GNG7: variants seen among roughly 807,000 people sequenced by gnomAD.
The protein encoded by GNG7 is guanine nucleotide-binding protein G(I)/G(S)/G(O) subunit gamma-7.
A neutral mutation model predicts 4.0 loss-of-function variants in GNG7; 1 was observed. The ratio of observed to expected loss-of-function variants is 0.25; its 90% CI spans 0.09 to 1.18. The LOEUF (loss-of-function observed/expected upper bound fraction) is 1.18, where lower values mean the gene tolerates loss of function less well. Among genes scored for constraint, GNG7 ranks in the 50% most tolerant of loss-of-function variants. The pLI is 0.50. For synonymous variants in GNG7, 34 were observed against 36.9 expected (o/e 0.92, Z 0.29); for missense variants, 86 against 91.9 (o/e 0.94, Z 0.26).
intron 3 of GNG7, among the ~76,000 whole-genome samples, chr19:2,522,152 C>T (rs776462316): frequency 7.2e-5 from 11 of 151,912 alleles, no homozygotes; most frequent in Non-Finnish European, 1.3e-4. Context: ...GTGGAGGCCA[C>T]GGATGCTGCT....
chr19:2,594,120 C>T (rs1980936026), intron 2 of GNG7, among the ~76,000 whole-genome samples: 6 of 152,114 alleles, frequency 3.9e-5, no homozygotes, highest in Admixed American at 3.9e-4. Flanking sequence ...CCTGTAATCC[C>T]AGCGCTTTGG....
chr19:2,528,678 G>A (rs551124645), intron 3 of GNG7, among the ~76,000 whole-genome samples: 1 of 152,176 alleles, frequency 6.6e-6, no homozygotes, highest in South Asian at 2.1e-4. Context: ...GAGGGAACTC[G>A]GGAAGGTGGT....
chr19:2,601,812 C>T (rs370527081), intron 2 of GNG7, among the ~76,000 whole-genome samples: 12 of 151,636 alleles, frequency 7.9e-5, no homozygotes, highest in African/African-American at 2.2e-4. Flanking sequence ...GAGGTTGAAG[C>T]GGGAGGCTCA....
At chr19:2,519,446 G>A (rs1311247072) in intron 4 of GNG7, among the ~76,000 whole-genome samples, 11 of 151,776 alleles carry the variant, frequency 7.2e-5, no homozygotes, top group African/African-American at 1.2e-4. Flanking sequence ...GTGAGTCACC[G>A]CGCTCAGCCT....
At chr19:2,518,610 G>A (rs552798730) in intron 4 of GNG7, among the ~76,000 whole-genome samples, 3 of 152,122 alleles carry the variant, frequency 2.0e-5, no homozygotes, top group African/African-American at 4.8e-5. Flanking sequence ...GACTCTGTCC[G>A]CCTCCCCGCT....
chr19:2,689,213 A>G (rs887155156), intron 1 of GNG7, among the ~76,000 whole-genome samples: 6 of 148,688 alleles, frequency 4.0e-5, no homozygotes, highest in East Asian at 3.9e-4. Flanking sequence ...AAAAAGGGGG[A>G]AAAAAATGCC....
At chr19:2,607,944 C>A (rs1481531058) in intron 2 of GNG7, among the ~76,000 whole-genome samples, 1 of 151,440 alleles carries the variant, frequency 6.6e-6, no homozygotes, top group Non-Finnish European at 1.5e-5. Context: ...TCCCTCCTGG[C>A]AGGCAGCCAG....
At chr19:2,671,956 C>G (rs1303854143) in intron 1 of GNG7, among the ~76,000 whole-genome samples, 2 of 138,284 alleles carry the variant, frequency 1.4e-5, no homozygotes, top group African/African-American at 5.4e-5. Context: ...GAGGCTGAGG[C>G]AGGAGAATGG....
intron 3 of GNG7, among the ~76,000 whole-genome samples, chr19:2,554,347 G>C (rs944298942): frequency 4.8e-5 from 7 of 147,032 alleles, no homozygotes; most frequent in Admixed American, 1.4e-4. Context: ...CCACCACACT[G>C]GGTATATTTT....
intron 1 of GNG7, among the ~76,000 whole-genome samples, chr19:2,669,380 C>A (rs901450500): frequency 6.6e-6 from 1 of 152,140 alleles, no homozygotes; most frequent in African/African-American, 2.4e-5. Flanking sequence ...ATCCCAGCTA[C>A]TTGGGAGACT....
chr19:2,566,478 C>T (rs62123667), intron 2 of GNG7, among the ~76,000 whole-genome samples: 60,823 of 152,002 alleles, frequency 0.4, 12,472 homozygotes, highest in Admixed American at 0.53. Context: ...CTTGTACGAG[C>T]ACCCCATGAA....
chr19:2,518,598 A>ACGACT (rs1978293603), intron 4 of GNG7, among the ~76,000 whole-genome samples: 1 of 152,024 alleles, frequency 6.6e-6, no homozygotes, highest in South Asian at 2.1e-4. Context: ...GCCAGCAGGG[A>ACGACT]CGACTCTGTC....
intron 2 of GNG7, among the ~76,000 whole-genome samples, chr19:2,601,869 T>C (rs1387773699): frequency 6.6e-6 from 1 of 152,082 alleles, no homozygotes; most frequent in African/African-American, 2.4e-5. Context: ...ATCACTGCAC[T>C]TCAGCCTGGG....
chr19:2,606,527 C>T (rs1215128269), intron 2 of GNG7, among the ~76,000 whole-genome samples: 3 of 151,832 alleles, frequency 2.0e-5, no homozygotes, highest in South Asian at 2.1e-4. Flanking sequence ...TGGTGGTGCA[C>T]GCCTGTAATC....
intron 3 of GNG7, among the ~76,000 whole-genome samples, chr19:2,553,125 CAAAA>C (rs36098274): frequency 8.9e-6 from 1 of 112,400 alleles, no homozygotes. Flanking sequence ...AAAGCAAAAC[CAAAA>C]AAAAAAAAAA....
chr19:2,670,377 G>C (rs554364532), intron 1 of GNG7, among the ~76,000 whole-genome samples: 1 of 152,184 alleles, frequency 6.6e-6, no homozygotes, highest in Non-Finnish European at 1.5e-5. Flanking sequence ...CTGTCACCTC[G>C]ACCCCGCTGT....
chr19:2,566,082 T>G (rs1330390582), intron 2 of GNG7, among the ~76,000 whole-genome samples: 2 of 151,864 alleles, frequency 1.3e-5, no homozygotes, highest in Middle Eastern at 3.4e-3. Flanking sequence ...CGCTTGAACC[T>G]GGGAGGCGGA....
At chr19:2,533,672 G>C (rs549945848) in intron 3 of GNG7, among the ~76,000 whole-genome samples, 35 of 152,222 alleles carry the variant, frequency 2.3e-4, no homozygotes, top group Admixed American at 1.0e-3. Flanking sequence ...CAAGAATTAG[G>C]GGGAAATAAG....
intron 1 of GNG7, among the ~76,000 whole-genome samples, chr19:2,647,190 C>T (rs1982688046): frequency 6.6e-6 from 1 of 152,216 alleles, no homozygotes; most frequent in African/African-American, 2.4e-5. Flanking sequence ...ATCCTTGCCT[C>T]CCTCTGGAGC....
Sources: allele counts gnomAD v4.1 joint callset (sites outside exome capture counted in the v4.1 genomes callset), GRCh38; gene constraint gnomAD v4.1.1; transcripts MANE v1.5; gene names NCBI Gene and HGNC (gene_info 2026-07-23, HGNC 2026-07-21).